COL14A1: variants seen among roughly 807,000 people sequenced by gnomAD.
COL14A1 encodes the protein collagen type XIV alpha 1 chain, also known as collagen alpha-1(XIV) chain.
In COL14A1, 136 loss-of-function variants were observed where a neutral mutation model predicts 230.3. The observed-to-expected ratio is 0.59, with a 90% confidence interval of 0.51 to 0.68. The LOEUF is 0.68. Ranked by LOEUF, COL14A1 falls within the 30% of genes least tolerant of loss-of-function variation. COL14A1 has a pLI of 0.00. For synonymous variants in COL14A1, 792 were observed against 784.1 expected (o/e 1.01, Z -0.17); for missense variants, 1,976 against 2,215.8 (o/e 0.89, Z 2.17).
rs1823568632 is a variant in COL14A1, at chr8:120,371,025, G to A, written c.5312-127G>A. 3 of 1,038,172 alleles carry A rather than the reference G, an allele frequency of 2.9e-6. No individual in the cohort carries two copies. The South Asian group carries it at 4.8e-5, about 16-fold the overall frequency. The allele number at this position is 1,038,172 out of a possible 1,614,324, so 64.3% of individuals were successfully genotyped here. ...TGGGGAAGGTACAAGGGGCGTGGTG[G>A]ATTAAGACATCCACTGCTTTTTACC... On this transcript the variant is annotated intron_variant, in intron 47 of 47. Transcript: ENST00000297848.
intron 5 of COL14A1, among the ~76,000 whole-genome samples, chr8:120,190,433 G>A (rs186232646): frequency 6.0e-4 from 92 of 152,188 alleles, no homozygotes; most frequent in African/African-American, 1.9e-3. Flanking sequence ...CATTTTGTAG[G>A]TTGCCTGTTC....
chr8:120,260,168 T>C (rs1375873931), intron 23 of COL14A1, among the ~76,000 whole-genome samples: 1 of 152,154 alleles, frequency 6.6e-6, no homozygotes, highest in African/African-American at 2.4e-5. Flanking sequence ...TATATAAAAA[T>C]GAATTTAAAA....
intron 5 of COL14A1, among the ~76,000 whole-genome samples, chr8:120,173,165 G>A (rs531359343): frequency 1.3e-4 from 20 of 152,072 alleles, no homozygotes; most frequent in African/African-American, 4.8e-4. Flanking sequence ...TCCCACATTT[G>A]TTTTTCTTTT....
chr8:120,193,849 G>A (rs780780612), intron 5 of COL14A1, among the ~76,000 whole-genome samples: 1 of 152,168 alleles, frequency 6.6e-6, no homozygotes, highest in Admixed American at 6.5e-5. Flanking sequence ...AGGACCCTCC[G>A]AGCCAGGTGT....
intron 14 of COL14A1, 133 bp from the exon 15 acceptor site, chr8:120,224,955 G>T: frequency 1.3e-6 from 1 of 750,770 alleles, no homozygotes; most frequent in Non-Finnish European, 2.1e-6. Context: ...ACATAAACTG[G>T]TTTTATAATT....
At chr8:120,213,130 T>C (rs1436927809) in intron 13 of COL14A1, among the ~76,000 whole-genome samples, 1 of 152,210 alleles carries the variant, frequency 6.6e-6, no homozygotes, top group South Asian at 2.1e-4. Flanking sequence ...CTATTACTAT[T>C]GTAATTCATT....
chr8:120,281,072 T>TCTATATAGTATA lies in COL14A1; in HGVS notation c.3824+13_3824+14insCTATATAGTATA. 6.3e-7 allele frequency: 1 copy of TCTATATAGTATA among 1,595,474 alleles called. No individual in the cohort carries two copies. Among genetic ancestry groups the TCTATATAGTATA allele is most frequent in the Non-Finnish European group, 8.5e-7 (1 of 1,174,144 alleles). On this transcript the variant is annotated intron_variant, in intron 31 of 47. Transcript: ENST00000297848. ...CCCAGCCAACCAGGTATGTTTCTGTTGAAAGATTTTAAAGTCATCGTATGT... is the reference window on the plus strand; with the variant it reads ...CCCAGCCAACCAGGTATGTTTCTGTTCTATATAGTATAGAAAGATTTTAAAGTCATCGTATGT...
At chr8:120,318,531 C>A (rs1405671799) in intron 40 of COL14A1, among the ~76,000 whole-genome samples, 1 of 152,056 alleles carries the variant, frequency 6.6e-6, no homozygotes, top group Admixed American at 6.5e-5. Context: ...AATTACTGGG[C>A]AGGATTGTAA....
chr8:120,325,462 A>G (rs1821626678), intron 40 of COL14A1, among the ~76,000 whole-genome samples: 1 of 143,628 alleles, frequency 7.0e-6, no homozygotes, highest in South Asian at 2.3e-4. Flanking sequence ...ACATTGCTTA[A>G]TTAAGTGTTC....
chr8:120,294,098 G>T (rs114803667), intron 34 of COL14A1, among the ~76,000 whole-genome samples: 11 of 151,712 alleles, frequency 7.3e-5, no homozygotes, highest in Non-Finnish European at 8.9e-5. Flanking sequence ...AAGCTCTCTA[G>T]ATATTTATAT....
chr8:120,148,342 AG>A (rs1367248888), intron 2 of COL14A1, among the ~76,000 whole-genome samples: 4 of 151,996 alleles, frequency 2.6e-5, no homozygotes, highest in African/African-American at 7.2e-5. Context: ...CATATTGGCC[AG>A]GCTGCTCTCG....
rs1818122996 is a variant in COL14A1 at position 120,227,174 on chromosome 8, T to C, written c.2005-46T>C. ...CTCAGAATAACACTTTTTCTTTACT[T>C]TTTTTTCAAATAAGCATAGTTACTA... On this transcript the variant is annotated intron_variant, in intron 16 of 47. Transcript: ENST00000297848. 3.1e-6 allele frequency: 5 copies of C among 1,599,880 alleles called. No homozygotes were observed. In the East Asian group the frequency reaches 1.1e-4, roughly 36 times the overall value.
intron 47 of COL14A1, 107 bp downstream of exon 47, chr8:120,369,592 T>C (rs1230518596): frequency 1.8e-6 from 2 of 1,122,366 alleles, no homozygotes; most frequent in Non-Finnish European, 2.4e-6. Context: ...TGGTTATGAA[T>C]GGGAAGCAGA....
intron 40 of COL14A1, among the ~76,000 whole-genome samples, chr8:120,330,046 C>T (rs1821812645): frequency 6.6e-6 from 1 of 152,028 alleles, no homozygotes; most frequent in South Asian, 2.1e-4. Flanking sequence ...GTAAAATCAC[C>T]CACTGGAAAT....
chr8:120,218,196 TATATATAAATATATA>T lies in COL14A1; in HGVS notation c.1737+1720_1737+1734del, dbSNP rs1380465147. On this transcript the variant is annotated intron_variant, in intron 14 of 47. Transcript: ENST00000297848. Reference sequence around the variant, plus strand: ...ATATATAAATATATAAGTATATATCTATATATAAATATATAATATATAAATATAAATAAATATATA... The same window carrying T: ...ATATATAAATATATAAGTATATATCTATATATAAATATAAATAAATATATA... 3.6e-5 allele frequency among the ~76,000 whole-genome samples: 5 copies of T among 137,132 alleles called. No homozygotes were observed. The East Asian group carries it at 5.9e-4, about 16-fold the overall frequency. 90.0% of individuals were successfully genotyped at this position (137,132 alleles called of 152,430 possible).
Position 120,212,564 on chromosome 8 carries a change from A to G in COL14A1, c.1584A>G (p.Gly528=). The G allele has an allele frequency of 1.9e-6, 3 of 1,613,448 alleles. No homozygotes were observed. The highest frequency in any genetic ancestry group is 2.5e-6 in the Non-Finnish European group (3 of 1,179,504). The part of the protein sequence containing the change: ...FGEEASDPVT[G]QETTLALSPP... ...AAGAGGCCAGTGATCCTGTTACGGG[A>G]CAAGAAACAACATGTGAGCAGCACA... The change falls in exon 13 of 48, where the codon GGA becomes GGG. Residue 528 remains glycine (G), a synonymous_variant. Coordinates refer to ENST00000297848, the MANE Select transcript of COL14A1 (RefSeq NM_021110.4).
chr8:120,308,944 A>AT (rs940250620), intron 36 of COL14A1, among the ~76,000 whole-genome samples: 12 of 151,854 alleles, frequency 7.9e-5, no homozygotes, highest in Admixed American at 2.0e-4. Flanking sequence ...ATCTAGCTAA[A>AT]TTTTTTTTGT....
At chr8:120,190,843 T>C (rs1301538618) in intron 5 of COL14A1, among the ~76,000 whole-genome samples, 3 of 152,200 alleles carry the variant, frequency 2.0e-5, no homozygotes, top group Non-Finnish European at 4.4e-5. Context: ...GAGGTGTTGG[T>C]AGTATTCTCT....
chr8:120,349,678 T>G (rs1822672284), intron 45 of COL14A1, among the ~76,000 whole-genome samples: 1 of 132,598 alleles, frequency 7.5e-6, no homozygotes, highest in African/African-American at 3.1e-5. Flanking sequence ...AGAAGGGAAG[T>G]TTAGAGAAAA....
Sources: allele counts gnomAD v4.1 joint callset (sites outside exome capture counted in the v4.1 genomes callset), GRCh38; gene constraint gnomAD v4.1.1; transcripts MANE v1.5; gene names NCBI Gene and HGNC (gene_info 2026-07-23, HGNC 2026-07-21).